PCNX4: variants seen among roughly 807,000 people sequenced by gnomAD.
PCNX4 encodes the protein pecanex-like protein 4.
Under a neutral mutation model 107.2 loss-of-function variants are expected in PCNX4, and 103 were observed. The observed-to-expected ratio is 0.96, with a 90% confidence interval of 0.82 to 1.13. The LOEUF is 1.13. Among genes scored for constraint, PCNX4 ranks in the 50% most tolerant of loss-of-function variants. PCNX4 has a pLI of 0.00. For missense variants in PCNX4, 1,528 were observed against 1,379.4 expected, an observed-to-expected ratio of 1.11 and a Z score of -1.71; for synonymous variants, 541 against 481.7, an observed-to-expected ratio of 1.12 and a Z score of -1.61.
At chr14:60,100,244 C>A (rs949535648) in intron 1 of PCNX4, among the ~76,000 whole-genome samples, 1 of 151,870 alleles carries the variant, frequency 6.6e-6, no homozygotes, top group African/African-American at 2.4e-5. Flanking sequence ...AAAAAAAATA[C>A]CATTTTTCTG....
intron 1 of PCNX4, among the ~76,000 whole-genome samples, chr14:60,103,520 T>C (rs781121624): frequency 7.2e-5 from 11 of 152,210 alleles, no homozygotes; most frequent in Non-Finnish European, 1.3e-4. Context: ...CTTTTAAAAA[T>C]AGTTCATTAA....
intron 1 of PCNX4, among the ~76,000 whole-genome samples, chr14:60,094,659 C>G (rs1009405136): frequency 6.6e-6 from 1 of 152,056 alleles, no homozygotes; most frequent in Non-Finnish European, 1.5e-5. Context: ...CCCCTCCTGC[C>G]CATACCTATA....
chr14:60,119,789 G>GA (rs35712708), intron 7 of PCNX4, among the ~76,000 whole-genome samples: 2 of 152,008 alleles, frequency 1.3e-5, no homozygotes, highest in Non-Finnish European at 2.9e-5. Context: ...TTCTGGTGGG[G>GA]AAAAAAGCAA....
At chr14:60,133,281 A>G (rs1459721409) in intron 10 of PCNX4, among the ~76,000 whole-genome samples, 2 of 152,236 alleles carry the variant, frequency 1.3e-5, no homozygotes, top group Admixed American at 1.3e-4. Context: ...GTACTGATAC[A>G]TGCTACAACA....
In PCNX4 at chr14:60,108,220, C is replaced by T. The variant is rs1460918166; in HGVS notation, c.582C>T (p.Asn194=). ...TAGCAGAATATTCTTTAATTGTAAA[C>T]ACAGCTACAGAGACTGCGACTTTCC... ...LCIAEYSLIV[N]TATETATFQT... The change falls in exon 2 of 11, where the codon AAC becomes AAT. Residue 194 remains asparagine (N), a synonymous_variant. Transcript: ENST00000406854. The T allele has an allele frequency of 2.5e-6, 4 of 1,612,594 alleles. No homozygotes were observed. The Admixed American group carries it at 5.0e-5, about 20-fold the overall frequency.
intron 7 of PCNX4, 119 bp downstream of exon 7, chr14:60,118,811 T>C: frequency 8.8e-7 from 1 of 1,132,680 alleles, no homozygotes; most frequent in Non-Finnish European, 1.2e-6. Context: ...CCATAACAAT[T>C]TGATGTGTAG....
At chr14:60,126,386 T>C (rs1257258910) in intron 10 of PCNX4, among the ~76,000 whole-genome samples, 1 of 152,238 alleles carries the variant, frequency 6.6e-6, no homozygotes, top group Non-Finnish European at 1.5e-5. Context: ...TCTGGCATTA[T>C]GGTTTGAGGA....
chr14:60,097,646 C>T (rs562393772), intron 1 of PCNX4, among the ~76,000 whole-genome samples: 1 of 152,056 alleles, frequency 6.6e-6, no homozygotes, highest in East Asian at 1.9e-4. Flanking sequence ...TGCTGAAAAA[C>T]TTAAAGGTCT....
intron 10 of PCNX4, among the ~76,000 whole-genome samples, chr14:60,128,031 C>G (rs1238589353): frequency 6.6e-6 from 1 of 151,676 alleles, no homozygotes; most frequent in African/African-American, 2.4e-5. Context: ...GATTCTAGAT[C>G]AATAGAGATT....
Position 60,143,343 on chromosome 14 carries a change from T to C in PCNX4, c.*9122T>C, listed in dbSNP as rs1399362188. 2.0e-5 allele frequency: 3 copies of C among 152,234 alleles called. No homozygotes were observed. The highest frequency in any genetic ancestry group is 4.8e-5 in the African/African-American group (2 of 41,448). The allele number at this position is 152,234 out of a possible 1,614,324, so 9.4% of individuals were successfully genotyped here. ...TAGAATTATTCCAATCTTTTCATTC[T>C]TATAATTGGTGTGTTGTATTCAATA... On this transcript the variant is annotated 3_prime_UTR_variant, in exon 11 of 11. Coordinates refer to ENST00000406854, the MANE Select transcript of PCNX4 (RefSeq NM_001330177.2).
rs749842009 is a variant in PCNX4 at position 60,116,026 on chromosome 14, A to G, written c.1544A>G (p.Asn515Ser). 4 of 1,612,600 alleles carry G rather than the reference A, an allele frequency of 2.5e-6. No individual in the cohort carries two copies. Among genetic ancestry groups the G allele is most frequent in the Non-Finnish European group, 3.4e-6 (4 of 1,179,298 alleles). The change falls in exon 6 of 11, where the codon AAC (asparagine) becomes AGC (serine). Residue 515 changes from asparagine to serine, a missense_variant. Physicochemically the swap from Asn to Ser is conservative, Grantham distance 46. Coordinates refer to ENST00000406854, the MANE Select transcript of PCNX4 (RefSeq NM_001330177.2). ...HLISSTDIWW[N>S]RSLDTGLRLL... Reference sequence around the variant, plus strand: ...ATCTCCAGTACAGACATATGGTGGAACAGAAGCCTGGATACAGGACTCAGA... The same window carrying G: ...ATCTCCAGTACAGACATATGGTGGAGCAGAAGCCTGGATACAGGACTCAGA...
chr14:60,116,611 G>T (rs1194560462), intron 6 of PCNX4, among the ~76,000 whole-genome samples: 1 of 152,098 alleles, frequency 6.6e-6, no homozygotes, highest in South Asian at 2.1e-4. Context: ...ATATACAATT[G>T]TGTACAGTAT....
At chr14:60,114,560 G>C in intron 2 of PCNX4, 140 bp from the exon 3 acceptor site, 1 of 640,682 alleles carries the variant, frequency 1.6e-6, no homozygotes, top group Middle Eastern at 4.2e-4. Context: ...TGTAAGTTGG[G>C]ACTAAGACTT....
rs1403608841 is a variant in PCNX4, at chr14:60,092,089, C to T, written c.-384C>T. On this transcript the variant is annotated 5_prime_UTR_variant, in exon 1 of 11. Transcript: ENST00000406854. ...ACGAAGCGCGCTATTTCCCTGCTTCCTCTAGGCCAAGCCTGCTTTACGGCA... is the reference window on the plus strand; with the variant it reads ...ACGAAGCGCGCTATTTCCCTGCTTCTTCTAGGCCAAGCCTGCTTTACGGCA... The T allele has an allele frequency of 2.6e-5, 4 of 152,472 alleles. No homozygotes were observed. In the East Asian group the frequency reaches 7.7e-4, roughly 29 times the overall value. 9.4% of individuals were successfully genotyped at this position (152,472 alleles called of 1,614,324 possible). A position where few individuals can be genotyped will look rare whatever the true frequency, so the allele number is the denominator to read the frequency against.
rs756350619 is a variant in PCNX4, at chr14:60,139,318, A to G, written c.*5097A>G. 4.6e-5 allele frequency: 7 copies of G among 152,160 alleles called. No homozygotes were observed. Among genetic ancestry groups the G allele is most frequent in the Admixed American group, 2.6e-4 (4 of 15,278 alleles). The allele number at this position is 152,160 out of a possible 1,614,324, so 9.4% of individuals were successfully genotyped here. ...AACAAAAACGATAGGGCAGGGGACT[A>G]TGGTGGCTATTGCAACATTATTCAA... On this transcript the variant is annotated 3_prime_UTR_variant, in exon 11 of 11. Coordinates refer to ENST00000406854, the MANE Select transcript of PCNX4 (RefSeq NM_001330177.2).
Position 60,118,459 on chromosome 14 carries a change from T to TGTA in PCNX4, c.1709_1710insGTA (p.Ile570delinsMetTyr). 1 of 1,613,750 alleles carries TGTA rather than the reference T, an allele frequency of 6.2e-7. No homozygotes were observed. Among genetic ancestry groups the TGTA allele is most frequent in the Non-Finnish European group, 8.5e-7 (1 of 1,179,806 alleles). ...ACTGCCACTTTATGTATACTCAACATTGTCTTTTCTCCATTCGTGTTGGTC... is the reference window on the plus strand; with the variant it reads ...ACTGCCACTTTATGTATACTCAACATGTATGTCTTTTCTCCATTCGTGTTGGTC... On this transcript the variant is annotated protein_altering_variant, in exon 7 of 11. Transcript: ENST00000406854.
chr14:60,110,977 C>G (rs917518111), intron 2 of PCNX4: 1 of 166,918 alleles, frequency 6.0e-6, no homozygotes, highest in African/African-American at 2.4e-5. Context: ...GGATTAGTGC[C>G]CTTAGGAGAG....
At chr14:60,129,861 A>G (rs1035562282) in intron 10 of PCNX4, among the ~76,000 whole-genome samples, 13 of 152,330 alleles carry the variant, frequency 8.5e-5, no homozygotes, top group African/African-American at 2.9e-4. Context: ...AACAATCATT[A>G]AAGAAATTTA....
intron 1 of PCNX4, among the ~76,000 whole-genome samples, chr14:60,104,977 A>G (rs1393939836): frequency 1.3e-5 from 2 of 152,174 alleles, no homozygotes; most frequent in Non-Finnish European, 2.9e-5. Flanking sequence ...CCTTTATTCA[A>G]AATCCTTGAG....
Sources: gnomAD v4.1 joint callset for allele counts (sites outside exome capture counted in the v4.1 genomes callset) on GRCh38, gnomAD v4.1.1 for gene constraint, MANE v1.5 for transcripts, NCBI Gene and HGNC (gene_info 2026-07-23, HGNC 2026-07-21) for gene names.